PRKG1: variants seen among roughly 807,000 people sequenced by gnomAD.
PRKG1 encodes protein kinase cGMP-dependent 1.
In PRKG1, 35 loss-of-function variants were observed where a neutral mutation model predicts 88.1. That is an observed-to-expected ratio of 0.40 (90% CI 0.30 to 0.53). The LOEUF is 0.53. Ranked by LOEUF, PRKG1 falls within the 20% of genes least tolerant of loss-of-function variation. The pLI, the probability that PRKG1 is intolerant of heterozygous loss-of-function variation, is 0.59. For synonymous variants in PRKG1, 303 were observed against 292.5 expected (o/e 1.04, Z -0.37); for missense variants, 540 against 839.8 (o/e 0.64, Z 4.41).
intron 9 of PRKG1, among the ~76,000 whole-genome samples, chr10:52,222,159 G>A (rs752948352): frequency 9.9e-5 from 15 of 152,022 alleles, no homozygotes; most frequent in African/African-American, 3.1e-4. Context: ...GAAGACTCCC[G>A]TCCCTTTGAT....
At chr10:52,214,583 AT>A (rs1204533751) in intron 9 of PRKG1, among the ~76,000 whole-genome samples, 1 of 152,186 alleles carries the variant, frequency 6.6e-6, no homozygotes, top group Non-Finnish European at 1.5e-5. Flanking sequence ...CTTGGAAATT[AT>A]TTTTATTTTC....
chr10:51,041,483 C>T (rs1454783128), intron 1 of PRKG1, among the ~76,000 whole-genome samples: 1 of 152,194 alleles, frequency 6.6e-6, no homozygotes, highest in East Asian at 1.9e-4. Flanking sequence ...GTGGTGGGTA[C>T]AGCCTGGCTA....
intron 5 of PRKG1, among the ~76,000 whole-genome samples, chr10:51,999,845 T>C (rs144765412): frequency 2.6e-4 from 40 of 152,220 alleles, no homozygotes; most frequent in African/African-American, 9.6e-4. Flanking sequence ...TTAACTTTTT[T>C]CAACTATATA....
intron 9 of PRKG1, among the ~76,000 whole-genome samples, chr10:52,166,430 ATTTTTT>A (rs71032627): frequency 9.5e-6 from 1 of 105,670 alleles, no homozygotes; most frequent in Admixed American, 1.2e-4. Context: ...TTTGAATATA[ATTTTTT>A]TTTTTTTTTT....
At chr10:51,673,775 C>A (rs148445423) in intron 3 of PRKG1, among the ~76,000 whole-genome samples, 99 of 152,170 alleles carry the variant, frequency 6.5e-4, no homozygotes, top group Non-Finnish European at 1.2e-3. Flanking sequence ...TTATCATGAT[C>A]GAGATTTGAG....
In PRKG1 at chr10:51,852,408, G is replaced by A. The variant is rs566264696; in HGVS notation, c.698+47718G>A. On this transcript the variant is annotated intron_variant, in intron 4 of 17. Coordinates refer to ENST00000373980, the MANE Select transcript of PRKG1 (RefSeq NM_006258.4). ...GAGAGAGAGAGAGGAAACAGAGGTA[G>A]AGGTGAATAACAGAATGCTGTTGCA... Among the ~76,000 whole-genome samples, 12 of 151,772 alleles carry A rather than the reference G, an allele frequency of 7.9e-5. No homozygotes were observed. In the East Asian group the frequency reaches 2.1e-3, roughly 27 times the overall value.
intron 5 of PRKG1, among the ~76,000 whole-genome samples, chr10:51,953,311 A>G (rs1316737731): frequency 6.6e-6 from 1 of 152,232 alleles, no homozygotes; most frequent in Non-Finnish European, 1.5e-5. Context: ...CCAGGCAGAA[A>G]TGTCAATGTA....
chr10:52,165,872 C>T (rs1315950858), intron 9 of PRKG1, among the ~76,000 whole-genome samples: 1 of 152,196 alleles, frequency 6.6e-6, no homozygotes, highest in African/African-American at 2.4e-5. Context: ...AGGCATTCAG[C>T]TCAGGTAGAT....
chr10:51,725,700 C>A (rs1157926972), intron 3 of PRKG1, among the ~76,000 whole-genome samples: 1 of 151,302 alleles, frequency 6.6e-6, no homozygotes, highest in African/African-American at 2.4e-5. Flanking sequence ...GTGGCATGCT[C>A]TCGGCTCACT....
At chr10:51,211,549 T>C (rs1268074582) in intron 2 of PRKG1, among the ~76,000 whole-genome samples, 1 of 152,184 alleles carries the variant, frequency 6.6e-6, no homozygotes, top group Non-Finnish European at 1.5e-5. Flanking sequence ...GATGACATGA[T>C]TGTATATCTA....
At chr10:51,870,902 T>G (rs1841140128) in intron 4 of PRKG1, among the ~76,000 whole-genome samples, 1 of 152,148 alleles carries the variant, frequency 6.6e-6, no homozygotes, top group South Asian at 2.1e-4. Context: ...GCTGCTCCAG[T>G]CTCCAGCACA....
chr10:51,355,662 AT>A (rs1232721080), intron 2 of PRKG1, among the ~76,000 whole-genome samples: 3 of 151,598 alleles, frequency 2.0e-5, no homozygotes, highest in South Asian at 2.1e-4. Flanking sequence ...GCCCACCCAG[AT>A]TTTTTTTTCA....
At chr10:52,074,680 A>G (rs1846587123) in intron 7 of PRKG1, among the ~76,000 whole-genome samples, 1 of 152,108 alleles carries the variant, frequency 6.6e-6, no homozygotes, top group African/African-American at 2.4e-5. Flanking sequence ...CCTTTATACA[A>G]TTGTTAATAA....
intron 3 of PRKG1, among the ~76,000 whole-genome samples, chr10:51,618,458 T>A (rs1047119032): frequency 6.6e-6 from 1 of 152,212 alleles, no homozygotes; most frequent in Non-Finnish European, 1.5e-5. Context: ...GTCATCATTG[T>A]CATTGTCATC....
intron 2 of PRKG1, among the ~76,000 whole-genome samples, chr10:51,259,213 T>C (rs952431502): frequency 6.6e-6 from 1 of 152,224 alleles, no homozygotes; most frequent in Non-Finnish European, 1.5e-5. Context: ...TACTCACATA[T>C]GTACAACCAT....
chr10:52,006,277 A>C (rs1196781220), intron 5 of PRKG1, among the ~76,000 whole-genome samples: 1 of 152,204 alleles, frequency 6.6e-6, no homozygotes, highest in Admixed American at 6.5e-5. Flanking sequence ...GTTCTCAACA[A>C]GGCTGAAATG....
At chr10:51,076,187 A>G (rs537603476) in intron 1 of PRKG1, among the ~76,000 whole-genome samples, 58 of 152,332 alleles carry the variant, frequency 3.8e-4, no homozygotes, top group African/African-American at 1.3e-3. Context: ...GTTGATTCCC[A>G]TGGAACATTT....
intron 1 of PRKG1, among the ~76,000 whole-genome samples, chr10:51,022,093 G>A (rs1240803491): frequency 2.6e-5 from 4 of 152,080 alleles, no homozygotes. Flanking sequence ...GCTCCTGTTG[G>A]GGCATTCAAT....
chr10:51,840,847 T>G (rs1840257799), intron 4 of PRKG1, among the ~76,000 whole-genome samples: 1 of 152,148 alleles, frequency 6.6e-6, no homozygotes, highest in Non-Finnish European at 1.5e-5. Flanking sequence ...CACCCGTCCC[T>G]GAACCCTCTA....
Sources: gnomAD v4.1 joint callset for allele counts (sites outside exome capture counted in the v4.1 genomes callset) on GRCh38, gnomAD v4.1.1 for gene constraint, MANE v1.5 for transcripts, NCBI Gene and HGNC (gene_info 2026-07-23, HGNC 2026-07-21) for gene names.